Variants in KCTD16 observed in about 807,000 individuals in gnomAD.
KCTD16 encodes BTB/POZ domain-containing protein KCTD16.
In KCTD16, 13 loss-of-function variants were observed where a neutral mutation model predicts 33.2. The observed-to-expected ratio is 0.39, with a 90% CI of 0.25 to 0.62. The LOEUF is 0.62. KCTD16 is among the 20% of genes least tolerant of loss of function. KCTD16 has a pLI of 0.50. For synonymous variants in KCTD16, 197 were observed against 195.3 expected, an observed-to-expected ratio of 1.01 and a Z score of -0.07; for missense variants, 441 against 525.1, an observed-to-expected ratio of 0.84 and a Z score of 1.57.
At chr5:144,338,211 G>A (rs1052210670) in intron 3 of KCTD16, among the ~76,000 whole-genome samples, 10 of 152,156 alleles carry the variant, frequency 6.6e-5, no homozygotes, top group Non-Finnish European at 7.4e-5. Flanking sequence ...AAATTATTGC[G>A]TCCTGGGAAA....
At chr5:144,172,223 C>G (rs1752402486) in intron 1 of KCTD16, among the ~76,000 whole-genome samples, 1 of 152,130 alleles carries the variant, frequency 6.6e-6, no homozygotes, top group African/African-American at 2.4e-5. Context: ...CTCTAGAGAC[C>G]AACAGGCAGC....
chr5:144,192,052 G>C (rs1224530717), intron 2 of KCTD16, among the ~76,000 whole-genome samples: 1 of 152,132 alleles, frequency 6.6e-6, no homozygotes, highest in Non-Finnish European at 1.5e-5. Context: ...ATGTCAAGTT[G>C]GTGGACCAAA....
chr5:144,260,230 T>C (rs1754968598), intron 3 of KCTD16, among the ~76,000 whole-genome samples: 2 of 152,200 alleles, frequency 1.3e-5, no homozygotes, highest in South Asian at 4.1e-4. Context: ...AGTATTCATG[T>C]AACTGGGATT....
chr5:144,347,740 C>CCA (rs2126904989), intron 3 of KCTD16, among the ~76,000 whole-genome samples: 1 of 152,314 alleles, frequency 6.6e-6, no homozygotes, highest in East Asian at 1.9e-4. Flanking sequence ...AATGCGCTGA[C>CCA]AGCTGTCCCT....
chr5:144,463,742 G>T (rs140770923), intron 3 of KCTD16, among the ~76,000 whole-genome samples: 3 of 152,266 alleles, frequency 2.0e-5, no homozygotes, highest in Non-Finnish European at 2.9e-5. Context: ...AACTGTGCAT[G>T]ACAAGAGAGT....
intron 3 of KCTD16, among the ~76,000 whole-genome samples, chr5:144,415,102 T>C (rs1753016944): frequency 6.6e-6 from 1 of 152,158 alleles, no homozygotes; most frequent in South Asian, 2.1e-4. Flanking sequence ...GATGAGGGCC[T>C]TCTTGCTGTG....
At chr5:144,234,923 A>T (rs1754207745) in intron 3 of KCTD16, among the ~76,000 whole-genome samples, 1 of 152,058 alleles carries the variant, frequency 6.6e-6, no homozygotes, top group Admixed American at 6.6e-5. Flanking sequence ...CCCTAAAGAG[A>T]TCTCAGCCTT....
chr5:144,469,502 G>A (rs1269864290), intron 3 of KCTD16, among the ~76,000 whole-genome samples: 1 of 152,174 alleles, frequency 6.6e-6, no homozygotes, highest in Non-Finnish European at 1.5e-5. Context: ...ATATGGAATA[G>A]CGTCAGCATT....
chr5:144,392,537 A>C (rs899601205), intron 3 of KCTD16, among the ~76,000 whole-genome samples: 1 of 152,180 alleles, frequency 6.6e-6, no homozygotes, highest in African/African-American at 2.4e-5. Context: ...CTATGTGAAA[A>C]CACGTAGACC....
At chr5:144,172,830 C>T (rs573950179) in intron 1 of KCTD16, among the ~76,000 whole-genome samples, 1 of 152,200 alleles carries the variant, frequency 6.6e-6, no homozygotes, top group African/African-American at 2.4e-5. Flanking sequence ...ATGCAATAAT[C>T]CATCATTATC....
In KCTD16 at chr5:144,401,449, A is replaced by G. The variant is rs375881047; in HGVS notation, c.833-72211A>G. The stretch of plus-strand genomic sequence containing the variant: ...ATGCACACACATAAATGCACAAACC[A>G]ATATGTATTAAAAAAAGTTAAAGAC... On this transcript the variant is annotated intron_variant, in intron 3 of 3. Transcript: ENST00000512467. Among the ~76,000 whole-genome samples the G allele has an allele frequency of 1.5e-3, 226 of 152,222 alleles. 1 individual carries two copies. Among genetic ancestry groups the G allele is most frequent in the African/African-American group, 5.1e-3 (211 of 41,544 alleles).
intron 3 of KCTD16, among the ~76,000 whole-genome samples, chr5:144,430,676 C>T (rs1753437543): frequency 6.6e-6 from 1 of 152,112 alleles, no homozygotes; most frequent in Non-Finnish European, 1.5e-5. Context: ...CATGTTAAGC[C>T]ATCATCTGTC....
chr5:144,242,206 A>G (rs1232508163), intron 3 of KCTD16, among the ~76,000 whole-genome samples: 2 of 150,950 alleles, frequency 1.3e-5, no homozygotes, highest in East Asian at 1.9e-4. Context: ...AAGTCCAAGA[A>G]CTCCTTAATT....
chr5:144,178,806 A>G (rs10476859), intron 2 of KCTD16, among the ~76,000 whole-genome samples: 7,331 of 152,242 alleles, frequency 0.048, 506 homozygotes, highest in African/African-American at 0.15. Context: ...CTTCTGTACT[A>G]AATATTATAA....
At chr5:144,297,723 T>C (rs947759821) in intron 3 of KCTD16, among the ~76,000 whole-genome samples, 1 of 152,154 alleles carries the variant, frequency 6.6e-6, no homozygotes, top group Non-Finnish European at 1.5e-5. Flanking sequence ...CTCATTAAAA[T>C]GCTAATTAGG....
intron 2 of KCTD16, among the ~76,000 whole-genome samples, chr5:144,178,587 A>G (rs1352317343): frequency 4.6e-5 from 7 of 152,166 alleles, no homozygotes; most frequent in Non-Finnish European, 1.0e-4. Context: ...TCCTAATTTT[A>G]TACAATTTAA....
chr5:144,296,492 A>G (rs1295877030), intron 3 of KCTD16, among the ~76,000 whole-genome samples: 1 of 152,170 alleles, frequency 6.6e-6, no homozygotes. Flanking sequence ...GGGCCAGTGG[A>G]TTAGAAAAGT....
At chr5:144,287,705 C>T (rs886886946) in intron 3 of KCTD16, among the ~76,000 whole-genome samples, 1 of 152,062 alleles carries the variant, frequency 6.6e-6, no homozygotes, top group Non-Finnish European at 1.5e-5. Flanking sequence ...GGCGTAATAT[C>T]AGCTGACAGC....
chr5:144,184,411 A>G (rs1160388002), intron 2 of KCTD16, among the ~76,000 whole-genome samples: 1 of 152,146 alleles, frequency 6.6e-6, no homozygotes, highest in Non-Finnish European at 1.5e-5. Flanking sequence ...TCTGTTTATC[A>G]CTGATGGACA....
Sources: gnomAD v4.1 joint callset for allele counts (sites outside exome capture counted in the v4.1 genomes callset) on GRCh38, gnomAD v4.1.1 for gene constraint, MANE v1.5 for transcripts, NCBI Gene and HGNC (gene_info 2026-07-23, HGNC 2026-07-21) for gene names.